ZNF507: variants seen among roughly 807,000 people sequenced by gnomAD.
ZNF507 encodes the protein zinc finger protein 507.
A neutral mutation model predicts 80.0 loss-of-function variants in ZNF507; 29 were observed. That is an observed-to-expected ratio of 0.36 (90% confidence interval 0.27 to 0.49). ZNF507 has a LOEUF of 0.49. ZNF507 is among the 20% of genes least tolerant of loss of function. ZNF507 has a pLI of 0.98. For missense variants in ZNF507, 1,081 were observed against 1,152.2 expected (o/e 0.94, Z 0.90); for synonymous variants, 462 against 422.5 (o/e 1.09, Z -1.15).
chr19:32,367,630 C>T (rs1967416316), intron 5 of ZNF507, among the ~76,000 whole-genome samples: 1 of 151,978 alleles, frequency 6.6e-6, no homozygotes, highest in East Asian at 1.9e-4. Flanking sequence ...GTAAGGTAGA[C>T]GATGATACAG....
chr19:32,380,507 AAG>A, intron 5 of ZNF507: 1 of 1,201,334 alleles, frequency 8.3e-7, no homozygotes, highest in Non-Finnish European at 1.2e-6. Flanking sequence ...GGGTGAGAAA[AAG>A]AGTTTAGTCT....
intron 5 of ZNF507, among the ~76,000 whole-genome samples, chr19:32,373,215 CG>C (rs34242914): frequency 0.033 from 5,061 of 151,190 alleles, 327 homozygotes; most frequent in Admixed American, 0.17. Context: ...ATAGGAATTT[CG>C]GGGGGGGCAC....
Position 32,353,507 on chromosome 19 carries a change from T to C in ZNF507, c.677T>C (p.Val226Ala). The stretch of plus-strand genomic sequence containing the variant: ...GTGGACAATCTACAGACTCATACTG[T>C]CCAAACTGCATCTGTGGCAGAAATG... ...VSVDNLQTHTVQTASVAEMGR... is the reference protein window; with the variant it reads ...VSVDNLQTHTAQTASVAEMGR... The change falls in exon 3 of 7, where the codon GTC (valine) becomes GCC (alanine). Residue 226 changes from valine to alanine, a missense_variant. Val to Ala is a moderately conservative substitution (Grantham distance 64, BLOSUM62 0). Coordinates refer to ENST00000355898, the MANE Select transcript of ZNF507 (RefSeq NM_001136156.2). The C allele has an allele frequency of 6.2e-7, 1 of 1,614,164 alleles. No individual in the cohort carries two copies.
intron 5 of ZNF507, among the ~76,000 whole-genome samples, chr19:32,362,012 G>A (rs1407752823): frequency 4.6e-5 from 7 of 151,262 alleles, no homozygotes; most frequent in East Asian, 3.9e-4. Flanking sequence ...TCCGCCTCCC[G>A]GGTTCAAGTG....
chr19:32,365,301 T>G (rs1404717524), intron 5 of ZNF507, among the ~76,000 whole-genome samples: 1 of 152,216 alleles, frequency 6.6e-6, no homozygotes, highest in East Asian at 1.9e-4. Flanking sequence ...GTCTGTGTAC[T>G]CTGCTGACTG....
At position 32,354,509 on chromosome 19, in the gene ZNF507, G is replaced by C; in HGVS notation, c.1679G>C (p.Ser560Thr). 1 of 1,614,166 alleles carries C rather than the reference G, an allele frequency of 6.2e-7. No individual in the cohort carries two copies. Among genetic ancestry groups the C allele is most frequent in the East Asian group, 2.2e-5 (1 of 44,888 alleles). ...GATGGATTAACTAGTCTTAACCAAA[G>C]CAACTCCACCTTGGTAGCACTCCCA... ...SSDGLTSLNQ[S>T]NSTLVALPEG... Residue 560 changes from serine (S) to threonine (T), a missense_variant, in exon 3 of 7, where the codon AGC (serine) becomes ACC (threonine). This residue lies in a region of ZNF507 where 614 missense variants were observed against 583.9 expected (regional missense o/e 1.05). Transcript: ENST00000355898.
At chr19:32,367,834 T>C (rs927480180) in intron 5 of ZNF507, among the ~76,000 whole-genome samples, 2 of 152,194 alleles carry the variant, frequency 1.3e-5, no homozygotes, top group African/African-American at 4.8e-5. Context: ...AGTCAGTTAT[T>C]GTATGGGATT....
chr19:32,351,484 G>A (rs1471109639), intron 2 of ZNF507, among the ~76,000 whole-genome samples: 9 of 104,184 alleles, frequency 8.6e-5, no homozygotes, highest in Admixed American at 7.9e-4. Flanking sequence ...GTGGGGGGGC[G>A]GGGCCTGTTT....
In ZNF507 at chr19:32,354,680, G is replaced by A; in HGVS notation, c.1850G>A (p.Cys617Tyr). 6.2e-7 allele frequency: 1 copy of A among 1,614,154 alleles called. No homozygotes were observed. The highest frequency in any genetic ancestry group is 1.7e-5 in the Admixed American group (1 of 60,024). The part of the protein sequence containing the change: ...ILKELQDNAQ[C>Y]QPNSDTSLSG... ...AAAGAGTTGCAGGACAACGCCCAGT[G>A]CCAACCCAACAGCGATACAAGTTTG... The change falls in exon 3 of 7, where the codon TGC (cysteine) becomes TAC (tyrosine). Residue 617 changes from cysteine to tyrosine, a missense_variant. By Grantham distance (194) the Cys-to-Tyr change is radical. Coordinates refer to ENST00000355898, the MANE Select transcript of ZNF507 (RefSeq NM_001136156.2).
At chr19:32,381,088 C>T (rs2145345584) in intron 5 of ZNF507, among the ~76,000 whole-genome samples, 1 of 152,250 alleles carries the variant, frequency 6.6e-6, no homozygotes, top group South Asian at 2.1e-4. Context: ...TAAGAATGAT[C>T]AAGCCCTGAA....
At chr19:32,375,524 G>A (rs1967535104) in intron 5 of ZNF507, among the ~76,000 whole-genome samples, 2 of 152,212 alleles carry the variant, frequency 1.3e-5, no homozygotes, top group Non-Finnish European at 2.9e-5. Context: ...TGACGGGAAA[G>A]AAAGAAGAGA....
chr19:32,371,121 C>T (rs2081852462), intron 5 of ZNF507, among the ~76,000 whole-genome samples: 1 of 152,154 alleles, frequency 6.6e-6, no homozygotes, highest in South Asian at 2.1e-4. Flanking sequence ...ACTGTCAAAA[C>T]ATATTTTCTA....
Position 32,353,388 on chromosome 19 carries a change from C to G in ZNF507, c.558C>G (p.Thr186=). ...ATGACAATGATGCCAATATCCACAC[C>G]CAATCCAAAGCCCAACAGTGCGTAA... ...NDHDNDANIH[T]QSKAQQCVSP... The change falls in exon 3 of 7, where the codon ACC becomes ACG. Residue 186 remains threonine, a synonymous_variant. Coordinates refer to ENST00000355898, the MANE Select transcript of ZNF507 (RefSeq NM_001136156.2). The G allele has an allele frequency of 1.2e-6, 2 of 1,614,122 alleles. No individual in the cohort carries two copies. The highest frequency in any genetic ancestry group is 1.7e-6 in the Non-Finnish European group (2 of 1,180,032).
At chr19:32,350,449 G>A (rs1025478595) in intron 2 of ZNF507, among the ~76,000 whole-genome samples, 1 of 152,154 alleles carries the variant, frequency 6.6e-6, no homozygotes, top group Non-Finnish European at 1.5e-5. Context: ...TGCCTGAGCC[G>A]ACACAGCTTT....
chr19:32,378,270 T>C (rs1967577319), intron 5 of ZNF507, among the ~76,000 whole-genome samples: 1 of 152,088 alleles, frequency 6.6e-6, no homozygotes. Context: ...GGAGAATCGC[T>C]TGAACCTGGG....
At chr19:32,352,688 G>A (rs1220390548) in intron 2 of ZNF507, 141 bp from the exon 3 acceptor site, 4 of 640,816 alleles carry the variant, frequency 6.2e-6, no homozygotes, top group South Asian at 2.5e-5. Flanking sequence ...GGGGATCGCC[G>A]GGTGTGTGGA....
At chr19:32,377,516 A>C (rs1459118381) in intron 5 of ZNF507, among the ~76,000 whole-genome samples, 2 of 152,228 alleles carry the variant, frequency 1.3e-5, no homozygotes, top group African/African-American at 4.8e-5. Context: ...TCTATGATCT[A>C]TATCTAGCAT....
Position 32,386,155 on chromosome 19 carries a change from G to A in ZNF507, c.*3072G>A, listed in dbSNP as rs187787029. ...TTTGATCGGTAGTCCAAGTTCTTTG[G>A]CCAGATAGTGCAATGTTGTGACACC... On this transcript the variant is annotated 3_prime_UTR_variant, in exon 7 of 7. Coordinates refer to ENST00000355898, the MANE Select transcript of ZNF507 (RefSeq NM_001136156.2). The A allele has an allele frequency of 6.6e-6, 1 of 152,646 alleles. No individual in the cohort carries two copies. The highest frequency in any genetic ancestry group is 6.5e-5 in the Admixed American group (1 of 15,274). 9.5% of individuals were successfully genotyped at this position (152,646 alleles called of 1,614,324 possible). A position where few individuals can be genotyped will look rare whatever the true frequency, so the allele number is the denominator to read the frequency against.
chr19:32,356,270 T>C (rs966931179), intron 3 of ZNF507, among the ~76,000 whole-genome samples: 6 of 152,120 alleles, frequency 3.9e-5, no homozygotes, highest in Non-Finnish European at 8.8e-5. Flanking sequence ...CTGATTGGAT[T>C]TTTTTTTGTG....
Sources: allele counts gnomAD v4.1 joint callset (sites outside exome capture counted in the v4.1 genomes callset), GRCh38; gene constraint gnomAD v4.1.1; regional missense constraint gnomAD v4.1.1; transcripts MANE v1.5; gene names NCBI Gene and HGNC (gene_info 2026-07-23, HGNC 2026-07-21).